Variants in PCDHA11 observed in about 807,000 individuals in gnomAD.
PCDHA11 encodes protocadherin alpha 11.
Under a neutral mutation model 70.3 loss-of-function variants are expected in PCDHA11, and 61 were observed. The ratio of observed to expected loss-of-function variants is 0.87; its 90% confidence interval spans 0.71 to 1.07. The LOEUF is 1.07. Among genes scored for constraint, PCDHA11 ranks in the 50% least tolerant of loss-of-function variants. The probability of loss-of-function intolerance (pLI) is 0.00; values close to 1 mark genes in which losing one functional copy is unlikely to be tolerated. For synonymous variants in PCDHA11, 633 were observed against 555.1 expected, an observed-to-expected ratio of 1.14 and a Z score of -1.97; for missense variants, 1,324 against 1,237.5, an observed-to-expected ratio of 1.07 and a Z score of -1.05.
At chr5:140,978,694 G>A (rs1184051557) in intron 1 of PCDHA11, among the ~76,000 whole-genome samples, 1 of 152,258 alleles carries the variant, frequency 6.6e-6, no homozygotes, top group African/African-American at 2.4e-5. Context: ...GCAAGGCAAA[G>A]CCAAAGGTGG....
intron 3 of PCDHA11, among the ~76,000 whole-genome samples, chr5:140,985,006 C>T (rs892412151): frequency 1.3e-5 from 2 of 151,922 alleles, no homozygotes; most frequent in South Asian, 2.1e-4. Context: ...GGCACGATAT[C>T]GGCTCACAGC....
rs35252606 is a variant in PCDHA11, at chr5:140,912,343, ATT to A, written c.2391+40863_2391+40864del. The stretch of plus-strand genomic sequence containing the variant: ...CTCAGTATTAACCAGTACACTAAGT[ATT>A]TTTTTTTTTTTTTGCAGCTGTTGTA... On this transcript the variant is annotated intron_variant, in intron 1 of 3. Transcript: ENST00000398640. 3.7e-3 allele frequency among the ~76,000 whole-genome samples: 528 copies of A among 143,760 alleles called. 4 individuals are homozygous for A. The highest frequency in any genetic ancestry group is 8.3e-3 in the East Asian group (41 of 4,940). 94.3% of individuals were successfully genotyped at this position (143,760 alleles called of 152,430 possible).
intron 1 of PCDHA11, chr5:140,875,943 T>C (rs371245562): frequency 1.9e-6 from 3 of 1,614,072 alleles, no homozygotes; most frequent in African/African-American, 2.7e-5. Flanking sequence ...TAGAGGGCGC[T>C]TCTGATGCGG....
intron 1 of PCDHA11, among the ~76,000 whole-genome samples, chr5:140,918,605 G>T (rs2078775246): frequency 6.6e-6 from 1 of 152,198 alleles, no homozygotes; most frequent in Non-Finnish European, 1.5e-5. Flanking sequence ...ATGTTGCTAT[G>T]ATATGAATGT....
intron 3 of PCDHA11, among the ~76,000 whole-genome samples, chr5:140,986,030 C>T (rs1190318789): frequency 2.6e-5 from 4 of 152,174 alleles, no homozygotes; most frequent in Non-Finnish European, 2.9e-5. Flanking sequence ...TGAGCCACTG[C>T]GCCTGGCCTC....
chr5:140,877,037 C>T lies in PCDHA11; in HGVS notation c.2391+5543C>T, dbSNP rs782624599. ...AGCGGCAAGGTGTACGCGCTGCAGC[C>T]GCTAGACCACGAGGAGCTGGAGCTG... On this transcript the variant is annotated intron_variant, in intron 1 of 3. Transcript: ENST00000398640. 6.8e-6 allele frequency: 11 copies of T among 1,612,374 alleles called. No individual in the cohort carries two copies. Among genetic ancestry groups the T allele is most frequent in the Admixed American group, 5.0e-5 (3 of 59,998 alleles).
At chr5:140,934,430 G>A (rs1249557283) in intron 1 of PCDHA11, among the ~76,000 whole-genome samples, 1 of 152,108 alleles carries the variant, frequency 6.6e-6, no homozygotes, top group Non-Finnish European at 1.5e-5. Context: ...CAATGCAAGT[G>A]TAAATATAGT....
intron 1 of PCDHA11, chr5:140,877,106 TG>T: frequency 6.2e-7 from 1 of 1,613,554 alleles, no homozygotes. Flanking sequence ...GTGCCGCCTC[TG>T]GGCAGCAACG....
intron 1 of PCDHA11, among the ~76,000 whole-genome samples, chr5:140,890,099 A>G (rs1301934861): frequency 2.0e-5 from 3 of 152,086 alleles, no homozygotes; most frequent in African/African-American, 7.2e-5. Context: ...TTTATTCCCA[A>G]CTCTGGATTC....
chr5:140,974,618 T>C (rs781783540), intron 1 of PCDHA11, among the ~76,000 whole-genome samples: 1 of 152,086 alleles, frequency 6.6e-6, no homozygotes, highest in Non-Finnish European at 1.5e-5. Context: ...TTCAAGCGAT[T>C]CTCCTGCCTC....
chr5:140,993,128 T>A (rs1250312762), intron 3 of PCDHA11, among the ~76,000 whole-genome samples: 2 of 152,234 alleles, frequency 1.3e-5, no homozygotes, highest in Non-Finnish European at 2.9e-5. Flanking sequence ...AATTTCCTTC[T>A]GTTGCAACAA....
intron 1 of PCDHA11, among the ~76,000 whole-genome samples, chr5:140,976,553 A>G (rs1554237789): frequency 1.3e-5 from 2 of 152,074 alleles, no homozygotes; most frequent in Non-Finnish European, 2.9e-5. Context: ...CCTATCTCAT[A>G]AATAAATAAA....
chr5:140,912,241 T>C (rs939016891), intron 1 of PCDHA11, among the ~76,000 whole-genome samples: 1 of 152,164 alleles, frequency 6.6e-6, no homozygotes, highest in African/African-American at 2.4e-5. Flanking sequence ...GACTCAAATG[T>C]TAATCTCCTT....
At chr5:140,971,682 T>C (rs782404162) in intron 1 of PCDHA11, among the ~76,000 whole-genome samples, 5 of 152,156 alleles carry the variant, frequency 3.3e-5, no homozygotes, top group Non-Finnish European at 4.4e-5. Flanking sequence ...AGTAAGGGAA[T>C]TTGTACTCAC....
intron 3 of PCDHA11, among the ~76,000 whole-genome samples, chr5:141,006,247 T>C (rs1554260651): frequency 2.0e-5 from 3 of 152,126 alleles, no homozygotes; most frequent in Non-Finnish European, 2.9e-5. Context: ...AGTCTTGCTC[T>C]GTTGCCCAGG....
chr5:140,928,258 G>A lies in PCDHA11; in HGVS notation c.2392-50691G>A, dbSNP rs782503341. 15 of 1,614,094 alleles carry A rather than the reference G, an allele frequency of 9.3e-6. No individual in the cohort carries two copies. The Admixed American group carries it at 2.0e-4, about 22-fold the overall frequency. On this transcript the variant is annotated intron_variant, in intron 1 of 3. Transcript: ENST00000398640. The stretch of plus-strand genomic sequence containing the variant: ...ACCCCAGCAGGAACTTTTCGTTGCT[G>A]AAAACAATGGCCCTGGGGCCTCTCT...
intron 3 of PCDHA11, among the ~76,000 whole-genome samples, chr5:140,986,402 A>G (rs782590214): frequency 6.6e-6 from 1 of 152,192 alleles, no homozygotes; most frequent in Non-Finnish European, 1.5e-5. Context: ...CCAGTCGCTC[A>G]TGTTACAGCT....
At position 140,912,741 on chromosome 5, in the gene PCDHA11, C is replaced by T. The variant is rs371215646; in HGVS notation, c.2391+41247C>T. Among the ~76,000 whole-genome samples the T allele has an allele frequency of 2.1e-3, 323 of 152,182 alleles. 1 individual carries two copies. Among genetic ancestry groups the T allele is most frequent in the African/African-American group, 7.6e-3 (315 of 41,526 alleles). ...ATTCAATATGATGTTGGCTGTGGGT[C>T]TGTCATAGATGGCTTTTATTACTTT... On this transcript the variant is annotated intron_variant, in intron 1 of 3. Transcript: ENST00000398640.
intron 1 of PCDHA11, chr5:140,877,982 T>C (rs1320294784): frequency 1.6e-6 from 2 of 1,221,162 alleles, no homozygotes; most frequent in African/African-American, 3.1e-5. Context: ...CTTACTCATT[T>C]TGAACTTTTA....
Sources: gnomAD v4.1 joint callset for allele counts (sites outside exome capture counted in the v4.1 genomes callset) on GRCh38, gnomAD v4.1.1 for gene constraint, MANE v1.5 for transcripts, NCBI Gene and HGNC (gene_info 2026-07-23, HGNC 2026-07-21) for gene names.